KMT2C: variants seen among roughly 807,000 people sequenced by gnomAD.
KMT2C encodes histone-lysine N-methyltransferase 2C.
A neutral mutation model predicts 507.9 loss-of-function variants in KMT2C; 88 were observed. The ratio of observed to expected loss-of-function variants is 0.17; its 90% CI spans 0.15 to 0.21. The LOEUF is 0.21. Ranked by LOEUF, KMT2C falls within the 10% of genes least tolerant of loss-of-function variation. The pLI, the probability that KMT2C is intolerant of heterozygous loss-of-function variation, is 1.00. For missense variants in KMT2C, 4,954 were observed against 5,957.8 expected (o/e 0.83, Z 5.55); for synonymous variants, 2,049 against 2,080.8 (o/e 0.98, Z 0.42).
rs373479151 is a variant in KMT2C at position 152,148,836 on chromosome 7, A to G, written c.13091T>C (p.Ile4364Thr). ...TTTAAATGTCCCCTTAGGGATTACA[A>G]TATGAATGCTCCACTTCTTCCATTT... is the stretch of plus-strand genomic sequence containing the variant. The part of the protein sequence containing the change: ...GMKWKKWSIH[I>T]VIPKGTFKPP... Residue 4364 changes from isoleucine (I) to threonine (T), a missense_variant, in exon 52 of 59, where the codon ATT becomes ACT. Physicochemically the swap from Ile to Thr is moderately conservative, Grantham distance 89 (BLOSUM62 -1). This residue lies in a region of KMT2C where 417 missense variants were observed against 461.1 expected (regional missense o/e 0.90). Coordinates refer to ENST00000262189, the MANE Select transcript of KMT2C (RefSeq NM_170606.3). The surrounding 1 kb of genome is among the most constrained non-coding windows in gnomAD (Gnocchi z 7.1). 1.9e-5 allele frequency: 31 copies of G among 1,614,120 alleles called. No homozygotes were observed. The Admixed American group carries it at 3.5e-4, about 18-fold the overall frequency.
intron 14 of KMT2C, among the ~76,000 whole-genome samples, chr7:152,241,113 A>G (rs2095374317): frequency 6.6e-6 from 1 of 152,176 alleles, no homozygotes; most frequent in African/African-American, 2.4e-5. Flanking sequence ...TCCTTCAAAC[A>G]TGCCAAGCTC....
chr7:152,360,851 AAAAG>A (rs2097191193), intron 1 of KMT2C, among the ~76,000 whole-genome samples: 1 of 152,012 alleles, frequency 6.6e-6, no homozygotes, highest in African/African-American at 2.4e-5. Flanking sequence ...TTCTATCTCA[AAAAG>A]AAAAAAAAAT....
intron 42 of KMT2C, among the ~76,000 whole-genome samples, chr7:152,164,609 G>A (rs1425476685): frequency 2.0e-5 from 3 of 152,090 alleles, no homozygotes; most frequent in Admixed American, 6.5e-5. Context: ...TTTAAGACAA[G>A]ATGAATTACC....
chr7:152,385,804 G>C (rs1325177293), intron 1 of KMT2C, among the ~76,000 whole-genome samples: 1 of 150,776 alleles, frequency 6.6e-6, no homozygotes, highest in East Asian at 2.0e-4. Flanking sequence ...CATTATGCCT[G>C]AGGCCAGGTG....
rs971788497 is a variant in KMT2C, at chr7:152,180,044, G to A, written c.7232C>T (p.Ser2411Leu). 2 of 1,614,154 alleles carry A rather than the reference G, an allele frequency of 1.2e-6. No individual in the cohort carries two copies. Among genetic ancestry groups the A allele is most frequent in the East Asian group, 2.2e-5 (1 of 44,882 alleles). Residue 2411 changes from serine (S) to leucine (L), a missense_variant, in exon 37 of 59, where the codon TCA becomes TTA. Transcript: ENST00000262189. ...AGRQEKGSQDSPAVPHPGPLQ... is the reference protein window; with the variant it reads ...AGRQEKGSQDLPAVPHPGPLQ... The stretch of plus-strand genomic sequence containing the variant: ...AGGCCCTGGATGAGGCACTGCGGGT[G>A]AGTCCTGTGACCCCTTCTCCTGTCG...
chr7:152,388,324 C>T (rs1589658893), intron 1 of KMT2C, among the ~76,000 whole-genome samples: 1 of 151,550 alleles, frequency 6.6e-6, no homozygotes, highest in Non-Finnish European at 1.5e-5. Flanking sequence ...TTTGGAATGC[C>T]GAGGTGGGTG....
At chr7:152,216,474 G>C (rs1300187529) in intron 23 of KMT2C, among the ~76,000 whole-genome samples, 1 of 152,150 alleles carries the variant, frequency 6.6e-6, no homozygotes, top group Admixed American at 6.6e-5. Flanking sequence ...ATTACATTCT[G>C]ACAACCTCAA....
intron 18 of KMT2C, among the ~76,000 whole-genome samples, chr7:152,225,146 A>G (rs894221509): frequency 2.0e-5 from 3 of 152,130 alleles, no homozygotes; most frequent in African/African-American, 7.2e-5. Flanking sequence ...CCCTCTCTCA[A>G]GGGTATAAGT....
intron 1 of KMT2C, chr7:152,368,338 C>T (rs2097263918): frequency 5.8e-6 from 7 of 1,198,754 alleles, no homozygotes; most frequent in Non-Finnish European, 8.6e-6. Flanking sequence ...GAATAAAGGG[C>T]AGCTGACTAA....
At position 152,194,000 on chromosome 7, in the gene KMT2C, A is replaced by C. The variant is rs759510782; in HGVS notation, c.4660+9T>G. 20 of 1,533,378 alleles carry C rather than the reference A, an allele frequency of 1.3e-5. No individual in the cohort carries two copies. The highest frequency in any genetic ancestry group is 4.2e-5 in the African/African-American group (3 of 71,412). 95.0% of individuals were successfully genotyped at this position (1,533,378 alleles called of 1,614,324 possible). On this transcript the variant is annotated intron_variant, in intron 31 of 58. Transcript: ENST00000262189. Reference sequence around the variant, plus strand: ...GAATATAATGTAGAATTATAAAGTCATAACATACCCTGATTGTGTATTGGC... The same window carrying C: ...GAATATAATGTAGAATTATAAAGTCCTAACATACCCTGATTGTGTATTGGC...
chr7:152,329,149 A>C (rs1025142411), intron 3 of KMT2C, among the ~76,000 whole-genome samples: 1 of 152,304 alleles, frequency 6.6e-6, no homozygotes, highest in East Asian at 1.9e-4. Flanking sequence ...AGTAGACAAG[A>C]TATCTGAGGA....
chr7:152,162,804 C>A lies in KMT2C; in HGVS notation c.10773G>T (p.Gln3591His), dbSNP rs200173988. The part of the protein sequence containing the change: ...SYPGSTQSLI[Q>H]LYSDIIPEEK... ...CCTCTGGGATTATATCAGAATACAA[C>A]TGAATGAGCGATTGGGTTGATCCCG... is the stretch of plus-strand genomic sequence containing the variant. Residue 3591 changes from glutamine (Q) to histidine (H), a missense_variant, in exon 43 of 59, where the codon CAG (glutamine) becomes CAT (histidine). Gln to His is a conservative substitution (Grantham distance 24). Transcript: ENST00000262189. 30 of 1,614,164 alleles carry A rather than the reference C, an allele frequency of 1.9e-5. No homozygotes were observed. The Admixed American group carries it at 5.0e-4, about 27-fold the overall frequency.
intron 2 of KMT2C, among the ~76,000 whole-genome samples, chr7:152,339,890 A>T (rs2096974796): frequency 6.6e-6 from 1 of 152,230 alleles, no homozygotes; most frequent in African/African-American, 2.4e-5. Context: ...TAATATATTT[A>T]AAATGAACTC....
At chr7:152,357,725 C>A (rs1372305534) in intron 2 of KMT2C, among the ~76,000 whole-genome samples, 1 of 152,088 alleles carries the variant, frequency 6.6e-6, no homozygotes, top group African/African-American at 2.4e-5. Flanking sequence ...AATACTCTAA[C>A]TAGACCTTAT....
chr7:152,289,363 T>C (rs2096365596), intron 6 of KMT2C, among the ~76,000 whole-genome samples: 1 of 152,214 alleles, frequency 6.6e-6, no homozygotes, highest in East Asian at 1.9e-4. Context: ...CAAAAATCAT[T>C]AATGTTTTAA....
At chr7:152,357,127 G>A (rs1360584978) in intron 2 of KMT2C, among the ~76,000 whole-genome samples, 1 of 151,642 alleles carries the variant, frequency 6.6e-6, no homozygotes, top group Admixed American at 6.6e-5. Context: ...TTGGGAGGCT[G>A]AGGCAGGGAG....
intron 1 of KMT2C, among the ~76,000 whole-genome samples, chr7:152,428,849 A>G (rs71541758): frequency 0.051 from 7,714 of 152,212 alleles, 331 homozygotes; most frequent in African/African-American, 0.11. Context: ...TCTTAGAAGC[A>G]GCCTACTGTT....
chr7:152,348,347 A>C (rs978345647), intron 2 of KMT2C, among the ~76,000 whole-genome samples: 11 of 152,096 alleles, frequency 7.2e-5, no homozygotes, highest in African/African-American at 2.7e-4. Context: ...CTGTAATCCT[A>C]GCACTTTGGG....
At chr7:152,363,030 T>G (rs977319592) in intron 1 of KMT2C, among the ~76,000 whole-genome samples, 2 of 152,348 alleles carry the variant, frequency 1.3e-5, no homozygotes, top group Admixed American at 1.3e-4. Context: ...CATGTGACTT[T>G]TCTGACTAAT....
Sources: gnomAD v4.1 joint callset for allele counts (sites outside exome capture counted in the v4.1 genomes callset) on GRCh38, gnomAD v4.1.1 for gene constraint, gnomAD v4.1.1 regional missense constraint, Gnocchi (gnomAD v3.1) non-coding constraint, MANE v1.5 for transcripts, NCBI Gene and HGNC (gene_info 2026-07-23, HGNC 2026-07-21) for gene names.